The following ZNF536 variants were observed in gnomAD, a reference collection of about 807,000 sequenced individuals.
ZNF536 encodes zinc finger protein 536.
ZNF536 carries 13 observed loss-of-function variants against 84.5 expected under a neutral mutation model. That is an observed-to-expected ratio of 0.15 (90% CI 0.10 to 0.24). ZNF536 has a LOEUF of 0.24. ZNF536 is among the 10% of genes least tolerant of loss of function. The pLI, the probability that ZNF536 is intolerant of heterozygous loss-of-function variation, is 1.00. For synonymous variants in ZNF536, 811 were observed against 742.5 expected (o/e 1.09, Z -1.50); for missense variants, 1,536 against 1,747.5 (o/e 0.88, Z 2.16).
At chr19:30,442,972 A>G (rs182314281) in intron 1 of ZNF536, among the ~76,000 whole-genome samples, 1 of 149,162 alleles carries the variant, frequency 6.7e-6, no homozygotes, top group Non-Finnish European at 1.5e-5. Flanking sequence ...CCTTTACTTT[A>G]TTTTTTCCCA....
intron 3 of ZNF536, among the ~76,000 whole-genome samples, chr19:30,355,986 C>T (rs2146792495): frequency 6.6e-6 from 1 of 152,346 alleles, no homozygotes; most frequent in Non-Finnish European, 1.5e-5. Flanking sequence ...CTCTGCCTCC[C>T]AAAGTGCAGA....
intron 1 of ZNF536, among the ~76,000 whole-genome samples, chr19:30,639,589 G>A (rs559645011): frequency 1.1e-4 from 16 of 152,242 alleles, no homozygotes; most frequent in South Asian, 2.1e-4. Context: ...TTAGGCTTGC[G>A]GAAGATCACC....
intron 2 of ZNF536, chr19:30,352,272 C>T (rs772407491): frequency 6.6e-6 from 1 of 152,162 alleles, no homozygotes; most frequent in African/African-American, 2.4e-5. Context: ...TAACCTTTTC[C>T]GTTGAATTTC....
chr19:30,233,365 G>A (rs1171319574), intron 1 of ZNF536, among the ~76,000 whole-genome samples: 1 of 150,518 alleles, frequency 6.6e-6, no homozygotes, highest in Non-Finnish European at 1.5e-5. Flanking sequence ...AACTTTAAGA[G>A]ATGGAGCCTT....
intron 3 of ZNF536, among the ~76,000 whole-genome samples, chr19:30,545,724 A>G (rs982284507): frequency 5.3e-5 from 8 of 151,984 alleles, no homozygotes; most frequent in African/African-American, 1.7e-4. Flanking sequence ...ACATGTATCC[A>G]TTGGAAATAG....
intron 1 of ZNF536, among the ~76,000 whole-genome samples, chr19:30,706,816 G>C (rs1407730370): frequency 6.6e-6 from 1 of 152,182 alleles, no homozygotes; most frequent in African/African-American, 2.4e-5. Context: ...TGGTAATTAG[G>C]ACAGTGGCCA....
intron 1 of ZNF536, among the ~76,000 whole-genome samples, chr19:30,401,306 C>T (rs998230426): frequency 6.6e-6 from 1 of 152,156 alleles, no homozygotes; most frequent in Non-Finnish European, 1.5e-5. Context: ...AATTCCTGGG[C>T]TCCAGCTATC....
intron 2 of ZNF536, among the ~76,000 whole-genome samples, chr19:30,452,921 G>T (rs1568446674): frequency 6.6e-6 from 1 of 151,140 alleles, no homozygotes; most frequent in Non-Finnish European, 1.5e-5. Context: ...AGGAGGCGGG[G>T]GCTGAGCGAG....
intron 1 of ZNF536, among the ~76,000 whole-genome samples, chr19:30,698,183 G>A (rs145461185): frequency 6.3e-4 from 96 of 152,016 alleles, no homozygotes; most frequent in Admixed American, 1.2e-3. Context: ...TCCCAGCTAC[G>A]CAGGATGCTG....
chr19:30,529,160 G>A (rs1408567800), intron 2 of ZNF536, among the ~76,000 whole-genome samples: 1 of 152,142 alleles, frequency 6.6e-6, no homozygotes, highest in African/African-American at 2.4e-5. Flanking sequence ...ATACAAAGAA[G>A]TTCAGTGTTT....
chr19:30,251,115 A>G (rs912702063), intron 1 of ZNF536, among the ~76,000 whole-genome samples: 1 of 152,120 alleles, frequency 6.6e-6, no homozygotes, highest in Non-Finnish European at 1.5e-5. Context: ...ACTCCCTATC[A>G]TCGGTGGGGA....
intron 2 of ZNF536, among the ~76,000 whole-genome samples, chr19:30,349,091 G>A (rs539251500): frequency 1.3e-5 from 2 of 152,330 alleles, no homozygotes; most frequent in East Asian, 3.9e-4. Context: ...TGGTGCCCTG[G>A]AGCTAGGTTG....
At chr19:30,675,425 A>G (rs1364733657) in intron 1 of ZNF536, among the ~76,000 whole-genome samples, 1 of 152,228 alleles carries the variant, frequency 6.6e-6, no homozygotes, top group Non-Finnish European at 1.5e-5. Flanking sequence ...TGAAAGACTG[A>G]AAGACTCTTC....
intron 2 of ZNF536, among the ~76,000 whole-genome samples, chr19:30,305,676 G>A (rs1013130084): frequency 3.9e-5 from 6 of 152,226 alleles, no homozygotes; most frequent in Non-Finnish European, 7.3e-5. Flanking sequence ...TTCAGAGGGT[G>A]ACCCCAGATC....
chr19:30,668,001 A>G (rs2050399578), intron 1 of ZNF536, among the ~76,000 whole-genome samples: 1 of 152,152 alleles, frequency 6.6e-6, no homozygotes. Context: ...CCAGGTCCTC[A>G]GGGCACTATC....
chr19:30,689,520 G>T (rs2051326300), intron 1 of ZNF536, among the ~76,000 whole-genome samples: 1 of 152,132 alleles, frequency 6.6e-6, no homozygotes, highest in Non-Finnish European at 1.5e-5. Flanking sequence ...CGTTTATTTG[G>T]GTAAGATTTC....
At chr19:30,563,871 G>A (rs185828120) in intron 1 of ZNF536, among the ~76,000 whole-genome samples, 2 of 152,302 alleles carry the variant, frequency 1.3e-5, no homozygotes, top group East Asian at 3.9e-4. Context: ...CTGCGGATGA[G>A]CCCAAGGACA....
At chr19:30,622,867 C>T (rs1054924878) in intron 1 of ZNF536, among the ~76,000 whole-genome samples, 1 of 152,044 alleles carries the variant, frequency 6.6e-6, no homozygotes, top group Non-Finnish European at 1.5e-5. Context: ...ACCTCACTTC[C>T]CTGACCTCCT....
chr19:30,500,033 C>T (rs959908456), intron 2 of ZNF536, among the ~76,000 whole-genome samples: 1 of 152,208 alleles, frequency 6.6e-6, no homozygotes, highest in African/African-American at 2.4e-5. Flanking sequence ...CTCCCAAGCT[C>T]ACCTTTATGC....
Sources: gnomAD v4.1 joint callset for allele counts (sites outside exome capture counted in the v4.1 genomes callset) on GRCh38, gnomAD v4.1.1 for gene constraint, MANE v1.5 for transcripts, NCBI Gene and HGNC (gene_info 2026-07-23, HGNC 2026-07-21) for gene names.